The following PPP1R14C variants were observed in gnomAD, a reference collection of about 807,000 sequenced individuals.
PPP1R14C encodes the protein protein phosphatase 1 regulatory subunit 14C.
In PPP1R14C, 16 loss-of-function variants were observed where a neutral mutation model predicts 20.4. The observed-to-expected ratio is 0.78, with a 90% CI of 0.53 to 1.19. PPP1R14C has a LOEUF of 1.19. Among genes scored for constraint, PPP1R14C ranks in the 50% most tolerant of loss-of-function variants. PPP1R14C has a pLI of 0.00. For missense variants in PPP1R14C, 211 were observed against 220.1 expected, an observed-to-expected ratio of 0.96 and a Z score of 0.26; for synonymous variants, 91 against 91.0, an observed-to-expected ratio of 1.00 and a Z score of 0.00.
At chr6:150,172,800 T>TG in intron 1 of PPP1R14C, among the ~76,000 whole-genome samples, 1 of 152,188 alleles carries the variant, frequency 6.6e-6, no homozygotes, top group Middle Eastern at 3.4e-3. Flanking sequence ...TAACAGGAGA[T>TG]GACTCCTCCT....
At chr6:150,175,590 G>A (rs1004411160) in intron 1 of PPP1R14C, among the ~76,000 whole-genome samples, 11 of 152,162 alleles carry the variant, frequency 7.2e-5, no homozygotes, top group Non-Finnish European at 8.8e-5. Flanking sequence ...GCTGGTGAGG[G>A]CATTTCCAAA....
chr6:150,208,016 G>A (rs146806468), intron 1 of PPP1R14C, among the ~76,000 whole-genome samples: 3 of 152,110 alleles, frequency 2.0e-5, no homozygotes, highest in Admixed American at 2.0e-4. Flanking sequence ...GGCAAAGGGG[G>A]CTGATCCACT....
chr6:150,191,168 T>C (rs963861294), intron 1 of PPP1R14C, among the ~76,000 whole-genome samples: 1 of 152,178 alleles, frequency 6.6e-6, no homozygotes, highest in Admixed American at 6.5e-5. Context: ...TTCAGGACCT[T>C]ATCATACGTC....
intron 1 of PPP1R14C, among the ~76,000 whole-genome samples, chr6:150,205,080 A>T (rs116534943): frequency 0.014 from 2,147 of 151,040 alleles, 54 homozygotes; most frequent in African/African-American, 0.05. Context: ...TGAATTGCTA[A>T]ATGTAGGGGA....
Position 150,216,851 on chromosome 6 carries a change from A to G in PPP1R14C, c.418A>G (p.Thr140Ala), listed in dbSNP as rs541503325. 1.2e-5 allele frequency: 20 copies of G among 1,603,412 alleles called. No individual in the cohort carries two copies. In the East Asian group the frequency reaches 3.1e-4, roughly 25 times the overall value. The change falls in exon 3 of 4, where the codon ACA (threonine) becomes GCA (alanine). Residue 140 changes from threonine (T) to alanine (A), a missense_variant. Physicochemically the swap from Thr to Ala is moderately conservative, Grantham distance 58. Transcript: ENST00000361131. ...QEALVDCYKP[T>A]EEFIKELLSR... ...AGCTCTTGTAGACTGCTACAAACCA[A>G]CAGAGGTAAGCAAATCACTTTTCCT...
intron 1 of PPP1R14C, among the ~76,000 whole-genome samples, chr6:150,204,708 C>T (rs1167153160): frequency 2.0e-5 from 3 of 152,318 alleles, no homozygotes; most frequent in East Asian, 1.9e-4. Flanking sequence ...CCAGCTCTCA[C>T]GGGTTGTCAG....
At chr6:150,205,841 T>C (rs1777943216) in intron 1 of PPP1R14C, among the ~76,000 whole-genome samples, 1 of 151,888 alleles carries the variant, frequency 6.6e-6, no homozygotes, top group Non-Finnish European at 1.5e-5. Flanking sequence ...AATATATATA[T>C]CATGCTACTC....
chr6:150,249,524 G>C lies in PPP1R14C; in HGVS notation c.*704G>C, dbSNP rs1778536225. 2.5e-6 allele frequency: 1 copy of C among 398,478 alleles called. No homozygotes were observed. The highest frequency in any genetic ancestry group is 4.4e-5 in the Admixed American group (1 of 22,708). The allele number at this position is 398,478 out of a possible 1,614,324, so 24.7% of individuals were successfully genotyped here. A position where few individuals can be genotyped will look rare whatever the true frequency, so the allele number is the denominator to read the frequency against. On this transcript the variant is annotated 3_prime_UTR_variant, in exon 4 of 4. Transcript: ENST00000361131. ...GAATTTCTATTATTTCATTGGTTGG[G>C]ATGCTTTGCCAGGTCATGTGCTTAT...
intron 1 of PPP1R14C, among the ~76,000 whole-genome samples, chr6:150,162,130 C>T (rs1477062418): frequency 6.7e-6 from 1 of 150,204 alleles, no homozygotes; most frequent in Non-Finnish European, 1.5e-5. Flanking sequence ...TCTGAGCTCA[C>T]TGCAACCTCT....
At chr6:150,207,917 T>C (rs1161408857) in intron 1 of PPP1R14C, among the ~76,000 whole-genome samples, 2 of 151,960 alleles carry the variant, frequency 1.3e-5, no homozygotes, top group African/African-American at 4.8e-5. Context: ...AGGGGTCATA[T>C]CTGGTTGGCT....
chr6:150,228,640 G>T (rs141837838), intron 3 of PPP1R14C, among the ~76,000 whole-genome samples: 1 of 152,006 alleles, frequency 6.6e-6, no homozygotes, highest in African/African-American at 2.4e-5. Flanking sequence ...GACTCAAAGC[G>T]TCTACTCTAA....
chr6:150,219,348 C>G (rs2114914682), intron 3 of PPP1R14C, among the ~76,000 whole-genome samples: 1 of 152,068 alleles, frequency 6.6e-6, no homozygotes, highest in Admixed American at 6.5e-5. Flanking sequence ...TGTGCTTCAG[C>G]CTCCTGAGTA....
intron 3 of PPP1R14C, among the ~76,000 whole-genome samples, chr6:150,217,141 T>C (rs940891241): frequency 3.9e-5 from 6 of 152,108 alleles, no homozygotes; most frequent in African/African-American, 1.4e-4. Flanking sequence ...ATCATTTTAG[T>C]AAAAGTTTTA....
intron 1 of PPP1R14C, among the ~76,000 whole-genome samples, chr6:150,169,570 A>C (rs142046794): frequency 0.011 from 1,627 of 152,352 alleles, 33 homozygotes; most frequent in African/African-American, 0.037. Flanking sequence ...CCAATGGTTG[A>C]GTAAAAGAGA....
intron 1 of PPP1R14C, among the ~76,000 whole-genome samples, chr6:150,203,039 C>T (rs563633304): frequency 2.0e-5 from 3 of 152,288 alleles, no homozygotes; most frequent in African/African-American, 7.2e-5. Flanking sequence ...TTATTATTAG[C>T]TAAAGCTCAT....
At chr6:150,207,135 T>G (rs1376733118) in intron 1 of PPP1R14C, among the ~76,000 whole-genome samples, 1 of 152,186 alleles carries the variant, frequency 6.6e-6, no homozygotes, top group Non-Finnish European at 1.5e-5. Flanking sequence ...AGTGCTGGGA[T>G]TACAGGTGTG....
intron 1 of PPP1R14C, among the ~76,000 whole-genome samples, chr6:150,207,451 G>C (rs56292304): frequency 6.6e-6 from 1 of 152,308 alleles, no homozygotes; most frequent in East Asian, 1.9e-4. Context: ...CATGCCTTGC[G>C]TGCTCCCCAG....
intron 1 of PPP1R14C, among the ~76,000 whole-genome samples, chr6:150,171,080 G>A (rs146258525): frequency 1.2e-4 from 19 of 152,110 alleles, no homozygotes; most frequent in African/African-American, 4.6e-4. Context: ...GGTCACAATC[G>A]ATGAACCTAC....
chr6:150,174,368 C>T (rs4870349), intron 1 of PPP1R14C, among the ~76,000 whole-genome samples: 126,594 of 151,674 alleles, frequency 0.83, 53,067 homozygotes, highest in East Asian at 0.96. Flanking sequence ...TACCGGTGCC[C>T]CCCACCACTC....
Sources: allele counts gnomAD v4.1 joint callset (sites outside exome capture counted in the v4.1 genomes callset), GRCh38; gene constraint gnomAD v4.1.1; transcripts MANE v1.5; gene names NCBI Gene and HGNC (gene_info 2026-07-23, HGNC 2026-07-21).